The following AJAP1 variants were observed in gnomAD, a reference collection of about 807,000 sequenced individuals.
The protein encoded by AJAP1 is adherens junction-associated protein 1.
In AJAP1, 5 loss-of-function variants were observed where a neutral mutation model predicts 35.0. The observed-to-expected ratio is 0.14, with a 90% CI of 0.07 to 0.30. The LOEUF is 0.30. Among genes scored for constraint, AJAP1 ranks in the 10% least tolerant of loss-of-function variants. The pLI, the probability that AJAP1 is intolerant of heterozygous loss-of-function variation, is 1.00. For missense variants in AJAP1, 586 were observed against 571.0 expected, an observed-to-expected ratio of 1.03 and a Z score of -0.27; for synonymous variants, 284 against 249.3, an observed-to-expected ratio of 1.14 and a Z score of -1.31.
In AJAP1 at chr1:4,772,385, C is replaced by G; in HGVS notation, c.1023C>G (p.Pro341=). 5 of 1,614,240 alleles carry G rather than the reference C, an allele frequency of 3.1e-6. No individual in the cohort carries two copies. The highest frequency in any genetic ancestry group is 4.2e-6 in the Non-Finnish European group (5 of 1,180,050). ...CGGACTTCCCCTCGGCCCGGGTGCC[C>G]AGCAGCCTGGACATATTCACGGCCT... is the stretch of plus-strand genomic sequence containing the variant. ...NLTDFPSARV[P]SSLDIFTAYN... is the part of the protein sequence containing the mutation. The change falls in exon 4 of 6, where the codon CCC becomes CCG. Residue 341 remains proline, a synonymous_variant. Coordinates refer to ENST00000378191, the MANE Select transcript of AJAP1 (RefSeq NM_018836.4).
At chr1:4,699,702 C>A (rs1456239883) in intron 1 of AJAP1, among the ~76,000 whole-genome samples, 1 of 152,190 alleles carries the variant, frequency 6.6e-6, no homozygotes, top group African/African-American at 2.4e-5. Context: ...CAACATCTCC[C>A]TGCAGCCGAA....
intron 4 of AJAP1, among the ~76,000 whole-genome samples, chr1:4,773,596 TGTTCTAAACCTCAGTG>T (rs1378383536): frequency 6.6e-6 from 1 of 152,222 alleles, no homozygotes; most frequent in Non-Finnish European, 1.5e-5. Context: ...TCAGAACTGT[TGTTCTAAACCTCAGTG>T]GTTTTACACT....
chr1:4,751,658 A>G (rs532504784), intron 2 of AJAP1, among the ~76,000 whole-genome samples: 5 of 152,294 alleles, frequency 3.3e-5, no homozygotes, highest in African/African-American at 4.8e-5. Context: ...CTTGTCCACA[A>G]CTTTACCCAG....
chr1:4,736,982 G>T (rs1233142116), intron 2 of AJAP1, among the ~76,000 whole-genome samples: 2 of 152,126 alleles, frequency 1.3e-5, no homozygotes, highest in Non-Finnish European at 2.9e-5. Context: ...TCAAGCAAGG[G>T]CCCCGCTTAA....
intron 2 of AJAP1, among the ~76,000 whole-genome samples, chr1:4,758,611 C>T (rs993492599): frequency 6.6e-6 from 1 of 152,138 alleles, no homozygotes; most frequent in East Asian, 1.9e-4. Context: ...GATTCAATTA[C>T]CCCCACTTGG....
intron 2 of AJAP1, among the ~76,000 whole-genome samples, chr1:4,733,761 T>C (rs1464270885): frequency 6.6e-6 from 1 of 151,972 alleles, no homozygotes; most frequent in Non-Finnish European, 1.5e-5. Context: ...TGGGCAGGGA[T>C]AGGAGAAGGC....
intron 1 of AJAP1, among the ~76,000 whole-genome samples, chr1:4,703,265 T>G (rs1640028864): frequency 6.6e-6 from 1 of 152,096 alleles, no homozygotes; most frequent in Non-Finnish European, 1.5e-5. Context: ...CAGAAGAAAG[T>G]GGGTGTTCCC....
intron 1 of AJAP1, among the ~76,000 whole-genome samples, chr1:4,710,791 G>A (rs1640213106): frequency 6.6e-6 from 1 of 152,242 alleles, no homozygotes; most frequent in Admixed American, 6.5e-5. Context: ...GGGAGCGTGG[G>A]CCTGGCTCCT....
intron 1 of AJAP1, among the ~76,000 whole-genome samples, chr1:4,710,301 A>T (rs1640200754): frequency 6.6e-6 from 1 of 152,022 alleles, no homozygotes; most frequent in Non-Finnish European, 1.5e-5. Flanking sequence ...CACGCACCAA[A>T]TACACACAGA....
rs779756465 is a variant in AJAP1 at position 4,772,377 on chromosome 1, C to T, written c.1015C>T (p.Arg339Trp). The change falls in exon 4 of 6, where the codon CGG (arginine) becomes TGG (tryptophan). Residue 339 changes from arginine to tryptophan, a missense_variant. Arg to Trp is a moderately radical substitution (Grantham distance 101, BLOSUM62 -3). Transcript: ENST00000378191. Reference sequence around the variant, plus strand: ...GAACCTCACGGACTTCCCCTCGGCCCGGGTGCCCAGCAGCCTGGACATATT... The same window carrying T: ...GAACCTCACGGACTTCCCCTCGGCCTGGGTGCCCAGCAGCCTGGACATATT... ...CQNLTDFPSA[R>W]VPSSLDIFTA... The T allele has an allele frequency of 1.2e-6, 2 of 1,614,234 alleles. No homozygotes were observed. Among genetic ancestry groups the T allele is most frequent in the Admixed American group, 1.7e-5 (1 of 60,034 alleles).
chr1:4,751,482 A>G (rs1486899213), intron 2 of AJAP1, among the ~76,000 whole-genome samples: 1 of 152,200 alleles, frequency 6.6e-6, no homozygotes, highest in Non-Finnish European at 1.5e-5. Context: ...GTCAGATGCC[A>G]TCTTCACTCA....
rs1273792820 is a variant in AJAP1, at chr1:4,716,590, GTGT to G, written c.829+3894_829+3896del. The stretch of plus-strand genomic sequence containing the variant: ...GATGATGGAGATGATGGTGATGATG[GTGT>G]TGATGATGATGGTGATAATGATGGT... On this transcript the variant is annotated intron_variant, in intron 2 of 5. Coordinates refer to ENST00000378191, the MANE Select transcript of AJAP1 (RefSeq NM_018836.4). Among the ~76,000 whole-genome samples the G allele has an allele frequency of 9.2e-5, 14 of 151,954 alleles. No individual in the cohort carries two copies. The South Asian group carries it at 1.0e-3, about 11-fold the overall frequency.
In AJAP1 at chr1:4,712,570, A is replaced by G. The variant is rs775033844; in HGVS notation, c.700A>G (p.Lys234Glu). The G allele has an allele frequency of 3.7e-6, 6 of 1,611,288 alleles. No homozygotes were observed. The highest frequency in any genetic ancestry group is 2.2e-5 in the East Asian group (1 of 44,790). Residue 234 changes from lysine to glutamate, a missense_variant, in exon 2 of 6, where the codon AAG becomes GAG. Coordinates refer to ENST00000378191, the MANE Select transcript of AJAP1 (RefSeq NM_018836.4). ...GGCCACCCCCATGACGCTGCAGACT[A>G]AGGGGTTCACCGAGTCCTTGGATCC... is the stretch of plus-strand genomic sequence containing the variant. Reference protein sequence around the residue: ...TTATPMTLQTKGFTESLDPRR... With the variant: ...TTATPMTLQTEGFTESLDPRR...
At chr1:4,663,507 C>G (rs1639048850) in intron 1 of AJAP1, among the ~76,000 whole-genome samples, 1 of 152,210 alleles carries the variant, frequency 6.6e-6, no homozygotes, top group Admixed American at 6.5e-5. Context: ...ATTAAGAGAA[C>G]ATTTCCCATC....
chr1:4,720,954 GTT>G lies in AJAP1; in HGVS notation c.829+8257_829+8258del, dbSNP rs2100282092. Among the ~76,000 whole-genome samples the G allele has an allele frequency of 6.6e-6, 1 of 152,344 alleles. No individual in the cohort carries two copies. Among genetic ancestry groups the G allele is most frequent in the South Asian group, 2.1e-4 (1 of 4,828 alleles). ...GCCAGGTCAACACACCTGAGGCGTG[GTT>G]TGTGTGAGCCCCATGGAGAGGATGG... On this transcript the variant is annotated intron_variant, in intron 2 of 5. Transcript: ENST00000378191. The surrounding 1 kb of genome is among the most constrained non-coding windows in gnomAD (Gnocchi z 4.4).
intron 2 of AJAP1, among the ~76,000 whole-genome samples, chr1:4,750,032 TTG>T (rs55677440): frequency 1.9e-4 from 28 of 150,432 alleles, no homozygotes; most frequent in South Asian, 8.5e-4. Flanking sequence ...GTGCATGTGT[TTG>T]TGTGTGTGTG....
intron 3 of AJAP1, among the ~76,000 whole-genome samples, chr1:4,770,500 G>A (rs564397854): frequency 6.6e-6 from 1 of 152,286 alleles, no homozygotes; most frequent in South Asian, 2.1e-4. Context: ...CTTGCTGGGT[G>A]TACACACCTG....
chr1:4,728,173 G>C (rs2100293936), intron 2 of AJAP1, among the ~76,000 whole-genome samples: 1 of 152,314 alleles, frequency 6.6e-6, no homozygotes, highest in East Asian at 1.9e-4. Context: ...ACCAGGCGAG[G>C]GTCTGTGGGT....
Position 4,791,280 on chromosome 1 carries a change from A to C in AJAP1, c.*8795A>C, listed in dbSNP as rs900822579. 6.6e-6 allele frequency: 1 copy of C among 152,266 alleles called. No homozygotes were observed. The highest frequency in any genetic ancestry group is 2.4e-5 in the African/African-American group (1 of 41,480). 9.4% of individuals were successfully genotyped at this position (152,266 alleles called of 1,614,324 possible). A position where few individuals can be genotyped will look rare whatever the true frequency, so the allele number is the denominator to read the frequency against. On this transcript the variant is annotated 3_prime_UTR_variant, in exon 6 of 6. Transcript: ENST00000378191. The stretch of plus-strand genomic sequence containing the variant: ...CAGAAAGTATTGAACTGGACATTGA[A>C]TGAAGCTTGAGGCCATGCATTGATA...
Sources: allele counts gnomAD v4.1 joint callset (sites outside exome capture counted in the v4.1 genomes callset), GRCh38; gene constraint gnomAD v4.1.1; non-coding constraint Gnocchi (gnomAD v3.1); transcripts MANE v1.5; gene names NCBI Gene and HGNC (gene_info 2026-07-23, HGNC 2026-07-21).